MSRB3: variants seen among roughly 807,000 people sequenced by gnomAD.
MSRB3 encodes the protein methionine sulfoxide reductase B3.
A neutral mutation model predicts 21.0 loss-of-function variants in MSRB3; 13 were observed. The observed-to-expected ratio is 0.62, with a 90% CI of 0.40 to 0.98. MSRB3 has a LOEUF of 0.98. Ranked by LOEUF, MSRB3 falls within the 50% of genes least tolerant of loss-of-function variation. MSRB3 has a pLI of 0.00. For synonymous variants in MSRB3, 87 were observed against 88.6 expected (o/e 0.98, Z 0.10); for missense variants, 199 against 230.3 (o/e 0.86, Z 0.88).
At chr12:65,456,961 C>A (rs961738089) in intron 6 of MSRB3, among the ~76,000 whole-genome samples, 1 of 151,892 alleles carries the variant, frequency 6.6e-6, no homozygotes, top group African/African-American at 2.4e-5. Context: ...GTTCCATTCA[C>A]GTTTATTTTC....
At chr12:65,440,538 AC>A (rs1257696885) in intron 5 of MSRB3, among the ~76,000 whole-genome samples, 2 of 151,858 alleles carry the variant, frequency 1.3e-5, no homozygotes, top group Non-Finnish European at 2.9e-5. Flanking sequence ...CCTTCCTGAG[AC>A]TTTTGTAATT....
chr12:65,392,808 G>A (rs1002661157), intron 5 of MSRB3, among the ~76,000 whole-genome samples: 1 of 152,130 alleles, frequency 6.6e-6, no homozygotes, highest in Non-Finnish European at 1.5e-5. Context: ...GCTCCCTCTT[G>A]TTGACTTGTT....
At chr12:65,326,795 G>A in intron 2 of MSRB3, 31 bp from the exon 3 acceptor site, 1 of 1,562,740 alleles carries the variant, frequency 6.4e-7, no homozygotes, top group South Asian at 1.1e-5. Context: ...AGCTAAAAAG[G>A]CTTCTTCTCC....
chr12:65,403,280 CT>C (rs1305771582), intron 5 of MSRB3, among the ~76,000 whole-genome samples: 2 of 152,328 alleles, frequency 1.3e-5, no homozygotes, highest in East Asian at 3.9e-4. Flanking sequence ...GGGCTGCTGC[CT>C]TTCTTTCAGA....
At chr12:65,281,460 T>G (rs1336366868) in intron 1 of MSRB3, among the ~76,000 whole-genome samples, 1 of 152,232 alleles carries the variant, frequency 6.6e-6, no homozygotes. Flanking sequence ...CATGTCAAAC[T>G]GGCCTACCTT....
At chr12:65,365,075 A>ATTTTT (rs34234685) in intron 4 of MSRB3, among the ~76,000 whole-genome samples, 1 of 149,956 alleles carries the variant, frequency 6.7e-6, no homozygotes. Flanking sequence ...TTCTGACATG[A>ATTTTT]TTTTTTTTTT....
At chr12:65,369,549 A>G (rs1040228101) in intron 5 of MSRB3, among the ~76,000 whole-genome samples, 7 of 152,204 alleles carry the variant, frequency 4.6e-5, no homozygotes, top group African/African-American at 1.7e-4. Flanking sequence ...CTATTAAGAC[A>G]AAATTTACAT....
chr12:65,309,316 A>G (rs1435233612), intron 2 of MSRB3, among the ~76,000 whole-genome samples: 1 of 152,238 alleles, frequency 6.6e-6, no homozygotes, highest in Non-Finnish European at 1.5e-5. Context: ...TATGAAAACC[A>G]CAATGGCTAA....
Position 65,345,484 on chromosome 12 carries a change from T to C in MSRB3, c.263+16881T>C, listed in dbSNP as rs1488848963. Among the ~76,000 whole-genome samples the C allele has an allele frequency of 2.6e-5, 4 of 152,094 alleles. No individual in the cohort carries two copies. In the East Asian group the frequency reaches 7.7e-4, roughly 29 times the overall value. ...ATACATATGTAGCACTTTCAGAATT[T>C]TTTCACCACAGAAAATTTTTATAAT... On this transcript the variant is annotated intron_variant, in intron 4 of 6. Transcript: ENST00000308259.
intron 1 of MSRB3, chr12:65,284,831 A>C (rs1482630890): frequency 1.3e-5 from 2 of 152,224 alleles, no homozygotes; most frequent in East Asian, 3.9e-4. Context: ...GAGATAATAC[A>C]TGGGAAGTGT....
intron 5 of MSRB3, chr12:65,419,798 C>G: frequency 9.8e-7 from 1 of 1,024,962 alleles, no homozygotes; most frequent in Non-Finnish European, 1.5e-6. Context: ...GGATGCCTCC[C>G]ATTCCTGCCA....
Position 65,363,578 on chromosome 12 carries a change from A to G in MSRB3, c.264-5420A>G, listed in dbSNP as rs147514740. ...ATGAAAATTTCATTTTCATGTTTAA[A>G]AATTTGGAAGTTTTTATTTAAATCT... On this transcript the variant is annotated intron_variant, in intron 4 of 6. Coordinates refer to ENST00000308259, the MANE Select transcript of MSRB3 (RefSeq NM_001031679.3). Among the ~76,000 whole-genome samples the G allele has an allele frequency of 8.6e-3, 1,312 of 152,288 alleles. 21 individuals carry two copies. The highest frequency in any genetic ancestry group is 0.03 in the African/African-American group (1,242 of 41,552).
chr12:65,330,731 A>T (rs1176145711), intron 4 of MSRB3, among the ~76,000 whole-genome samples: 1 of 152,014 alleles, frequency 6.6e-6, no homozygotes, highest in Non-Finnish European at 1.5e-5. Flanking sequence ...CTTTAAAGAG[A>T]CTCGAAAGCA....
intron 4 of MSRB3, among the ~76,000 whole-genome samples, chr12:65,340,022 A>G (rs1876034605): frequency 6.6e-6 from 1 of 152,242 alleles, no homozygotes; most frequent in South Asian, 2.1e-4. Context: ...TACAGGATCA[A>G]GGGAAATAAA....
chr12:65,330,750 A>G (rs1875359513), intron 4 of MSRB3, among the ~76,000 whole-genome samples: 1 of 152,146 alleles, frequency 6.6e-6, no homozygotes, highest in African/African-American at 2.4e-5. Flanking sequence ...CAAGGTTAAA[A>G]AAGTGTTGGT....
chr12:65,466,696 TAA>T lies in MSRB3; in HGVS notation c.*3377_*3378del, dbSNP rs1883587762. 6.6e-6 allele frequency: 1 copy of T among 152,342 alleles called. No homozygotes were observed. Among genetic ancestry groups the T allele is most frequent in the East Asian group, 1.9e-4 (1 of 5,190 alleles). 9.4% of individuals were successfully genotyped at this position (152,342 alleles called of 1,614,324 possible). On this transcript the variant is annotated 3_prime_UTR_variant, in exon 7 of 7. Transcript: ENST00000308259. ...AAAACTTCTCCGTATTACTTGTGTT[TAA>T]AATGTCTTGCTTTAAATACAAAACA...
At position 65,328,566 on chromosome 12, in the gene MSRB3, A is replaced by C; in HGVS notation, c.226A>C (p.Ile76Leu). The change falls in exon 4 of 7, where the codon ATA becomes CTA. Residue 76 changes from isoleucine (I) to leucine (L), a missense_variant. Ile to Leu is a conservative substitution (Grantham distance 5). Transcript: ENST00000308259. The stretch of plus-strand genomic sequence containing the variant: ...ATACACACATCACAAAGATCCTGGA[A>C]TATATAAATGTGTTGTTTGTGGAAC... ...GEYTHHKDPG[I>L]YKCVVCGTPL... is the part of the protein sequence containing the mutation. The C allele has an allele frequency of 6.2e-7, 1 of 1,612,662 alleles. No homozygotes were observed. The highest frequency in any genetic ancestry group is 8.5e-7 in the Non-Finnish European group (1 of 1,178,894).
At chr12:65,453,705 TTC>T (rs1402361535) in intron 5 of MSRB3, 21 bp from the exon 6 acceptor site, 7 of 1,579,442 alleles carry the variant, frequency 4.4e-6, no homozygotes, top group South Asian at 1.1e-5. Context: ...TCTGCTTTGA[TTC>T]TTGTGCCTGC....
chr12:65,378,801 T>C (rs1044964375), intron 5 of MSRB3, among the ~76,000 whole-genome samples: 4 of 152,222 alleles, frequency 2.6e-5, no homozygotes, highest in African/African-American at 4.8e-5. Flanking sequence ...TAATGAGAAA[T>C]GTAATTTTCA....
Sources: allele counts gnomAD v4.1 joint callset (sites outside exome capture counted in the v4.1 genomes callset), GRCh38; gene constraint gnomAD v4.1.1; transcripts MANE v1.5; gene names NCBI Gene and HGNC (gene_info 2026-07-23, HGNC 2026-07-21).